Variants in CDK19 observed in about 807,000 individuals in gnomAD.
The protein encoded by CDK19 is cyclin-dependent kinase 19.
A neutral mutation model predicts 68.3 loss-of-function variants in CDK19; 20 were observed. The observed-to-expected ratio is 0.29, with a 90% CI of 0.21 to 0.43. The LOEUF is 0.43. Ranked by LOEUF, CDK19 falls within the 20% of genes least tolerant of loss-of-function variation. The probability of loss-of-function intolerance (pLI) is 1.00; values close to 1 mark genes in which losing one functional copy is unlikely to be tolerated. For synonymous variants in CDK19, 221 were observed against 222.8 expected (o/e 0.99, Z 0.07); for missense variants, 339 against 623.5 (o/e 0.54, Z 4.86).
chr6:110,638,500 C>A, intron 5 of CDK19, 149 bp downstream of exon 5: 1 of 571,772 alleles, frequency 1.7e-6, no homozygotes, highest in Non-Finnish European at 3.1e-6. Flanking sequence ...GTTTTGTAGA[C>A]TATCTATCTA....
chr6:110,772,311 C>A (rs1780075540), intron 1 of CDK19, among the ~76,000 whole-genome samples: 1 of 152,064 alleles, frequency 6.6e-6, no homozygotes, highest in African/African-American at 2.4e-5. Flanking sequence ...AACGGAAACC[C>A]CTGATAAAAC....
In CDK19 at chr6:110,612,223, T is replaced by C. The variant is rs1407813716; in HGVS notation, c.*2312A>G. The C allele has an allele frequency of 6.6e-6, 1 of 152,236 alleles. No individual in the cohort carries two copies. Among genetic ancestry groups the C allele is most frequent in the Non-Finnish European group, 1.5e-5 (1 of 68,042 alleles). The allele number at this position is 152,236 out of a possible 1,614,324, so 9.4% of individuals were successfully genotyped here. A position where few individuals can be genotyped will look rare whatever the true frequency, so the allele number is the denominator to read the frequency against. The stretch of plus-strand genomic sequence containing the variant: ...AACAGACCTTCTATTTTCCTTGCAA[T>C]TTCCTACAACCACTTAGGAGAGTAT... On this transcript the variant is annotated 3_prime_UTR_variant, in exon 13 of 13. Coordinates refer to ENST00000368911, the MANE Select transcript of CDK19 (RefSeq NM_015076.5).
chr6:110,787,322 G>A (rs945606418), intron 1 of CDK19, among the ~76,000 whole-genome samples: 8 of 152,142 alleles, frequency 5.3e-5, no homozygotes, highest in African/African-American at 1.9e-4. Flanking sequence ...TGCAGTGAGT[G>A]GAGATTGTGC....
At chr6:110,712,966 T>C (rs2114698823) in intron 2 of CDK19, among the ~76,000 whole-genome samples, 1 of 152,088 alleles carries the variant, frequency 6.6e-6, no homozygotes, top group African/African-American at 2.4e-5. Context: ...TCCCAGCACT[T>C]TGGGAGGCTG....
chr6:110,753,069 C>T (rs1359887185), intron 1 of CDK19, among the ~76,000 whole-genome samples: 3 of 151,558 alleles, frequency 2.0e-5, no homozygotes, highest in Admixed American at 2.0e-4. Flanking sequence ...GCTGGAATTA[C>T]AGGCATGCTC....
At chr6:110,648,770 T>C (rs1476869326) in intron 4 of CDK19, among the ~76,000 whole-genome samples, 3 of 152,056 alleles carry the variant, frequency 2.0e-5, no homozygotes, top group Admixed American at 1.3e-4. Context: ...CAGGCTGGAG[T>C]GCAGTGGCGC....
chr6:110,812,812 T>TAAAA (rs66478846), intron 1 of CDK19, among the ~76,000 whole-genome samples: 5 of 101,618 alleles, frequency 4.9e-5, no homozygotes, highest in African/African-American at 7.0e-5. Flanking sequence ...TTTAAAACAG[T>TAAAA]AAAAAAAAAA....
chr6:110,699,383 C>A (rs1032796389), intron 2 of CDK19, among the ~76,000 whole-genome samples: 1 of 150,916 alleles, frequency 6.6e-6, no homozygotes, highest in East Asian at 1.9e-4. Context: ...CAAGATCATG[C>A]CACTTCATTC....
chr6:110,720,149 C>T (rs778944764), intron 2 of CDK19, among the ~76,000 whole-genome samples: 2 of 152,144 alleles, frequency 1.3e-5, no homozygotes, highest in Non-Finnish European at 2.9e-5. Flanking sequence ...ATTCCCAGTA[C>T]TTTGATACTT....
At chr6:110,808,053 GAAA>G (rs1369543910) in intron 1 of CDK19, among the ~76,000 whole-genome samples, 2 of 151,906 alleles carry the variant, frequency 1.3e-5, no homozygotes, top group Non-Finnish European at 2.9e-5. Context: ...CCTGTAACTT[GAAA>G]AAAGACATAA....
intron 8 of CDK19, 139 bp from the exon 9 acceptor site, chr6:110,623,501 C>T: frequency 8.6e-7 from 1 of 1,165,184 alleles, no homozygotes; most frequent in Non-Finnish European, 1.2e-6. Context: ...AAACACATTA[C>T]CAAATATTAG....
At chr6:110,717,210 T>C (rs908648646) in intron 2 of CDK19, among the ~76,000 whole-genome samples, 1 of 128,258 alleles carries the variant, frequency 7.8e-6, no homozygotes, top group Non-Finnish European at 1.7e-5. Flanking sequence ...AGTGCTTATA[T>C]GATATATATC....
chr6:110,635,686 C>G (rs928275154), intron 5 of CDK19, among the ~76,000 whole-genome samples: 2 of 152,044 alleles, frequency 1.3e-5, no homozygotes, highest in Non-Finnish European at 2.9e-5. Flanking sequence ...ATTACAGGCA[C>G]GCACCACCAC....
chr6:110,727,480 G>C (rs1776395773), intron 2 of CDK19, among the ~76,000 whole-genome samples: 2 of 151,974 alleles, frequency 1.3e-5, no homozygotes, highest in South Asian at 4.2e-4. Flanking sequence ...CTTATCTTCT[G>C]GACCAGCATA....
At chr6:110,721,112 C>A (rs1331322977) in intron 2 of CDK19, among the ~76,000 whole-genome samples, 1 of 151,900 alleles carries the variant, frequency 6.6e-6, no homozygotes, top group Non-Finnish European at 1.5e-5. Flanking sequence ...TGGTGACAGG[C>A]GCCTGTAGTC....
intron 2 of CDK19, among the ~76,000 whole-genome samples, chr6:110,719,975 C>T (rs1366627940): frequency 0.022 from 969 of 43,664 alleles, 31 homozygotes; most frequent in African/African-American, 0.086. Context: ...GTGATCCGCC[C>T]CCCCCCCCCC....
chr6:110,797,359 G>A (rs1011806637), intron 1 of CDK19, among the ~76,000 whole-genome samples: 2 of 151,724 alleles, frequency 1.3e-5, no homozygotes, highest in Admixed American at 6.6e-5. Flanking sequence ...AGAAAAAAAA[G>A]GCTTTTTCTG....
intron 4 of CDK19, among the ~76,000 whole-genome samples, chr6:110,647,109 T>C (rs991174749): frequency 4.6e-5 from 7 of 152,004 alleles, no homozygotes; most frequent in African/African-American, 1.7e-4. Flanking sequence ...CACTCCCCTC[T>C]ATCACCCCCA....
intron 2 of CDK19, among the ~76,000 whole-genome samples, chr6:110,729,048 T>C (rs184009835): frequency 2.2e-3 from 331 of 152,312 alleles, no homozygotes; most frequent in Middle Eastern, 6.8e-3. Flanking sequence ...GTCTAATATT[T>C]AATGAACCCT....
Sources: gnomAD v4.1 joint callset for allele counts (sites outside exome capture counted in the v4.1 genomes callset) on GRCh38, gnomAD v4.1.1 for gene constraint, MANE v1.5 for transcripts, NCBI Gene and HGNC (gene_info 2026-07-23, HGNC 2026-07-21) for gene names.